The following INPP4B variants were observed in gnomAD, a reference collection of about 807,000 sequenced individuals.
INPP4B encodes the protein inositol polyphosphate-4-phosphatase type II B.
In INPP4B, 55 loss-of-function variants were observed where a neutral mutation model predicts 122.5. The observed-to-expected ratio is 0.45, with a 90% confidence interval of 0.36 to 0.56. The LOEUF is 0.56. Among genes scored for constraint, INPP4B ranks in the 20% least tolerant of loss-of-function variants. INPP4B has a pLI of 0.00. For missense variants in INPP4B, 1,000 were observed against 1,097.7 expected, an observed-to-expected ratio of 0.91 and a Z score of 1.26; for synonymous variants, 403 against 388.7, an observed-to-expected ratio of 1.04 and a Z score of -0.43.
At chr4:142,250,720 C>CTA (rs1339911996) in intron 11 of INPP4B, among the ~76,000 whole-genome samples, 3 of 152,022 alleles carry the variant, frequency 2.0e-5, no homozygotes, top group Admixed American at 2.0e-4. Context: ...TTAGTCTCAT[C>CTA]TTCCCCTGAT....
chr4:142,077,681 C>A (rs1198122170), intron 25 of INPP4B, among the ~76,000 whole-genome samples: 2 of 151,414 alleles, frequency 1.3e-5, no homozygotes. Context: ...ATAAAGTATT[C>A]TCCCTTTCTT....
chr4:142,528,174 T>C (rs1827174949), intron 2 of INPP4B, among the ~76,000 whole-genome samples: 1 of 152,098 alleles, frequency 6.6e-6, no homozygotes, highest in Non-Finnish European at 1.5e-5. Context: ...TAGAGAACTG[T>C]ATTAGTTATC....
intron 18 of INPP4B, among the ~76,000 whole-genome samples, chr4:142,142,181 T>C (rs1182212979): frequency 6.6e-6 from 1 of 152,094 alleles, no homozygotes; most frequent in East Asian, 1.9e-4. Context: ...AGGAGCAAAA[T>C]GGCTTGGGCT....
intron 9 of INPP4B, among the ~76,000 whole-genome samples, chr4:142,303,623 AT>A: frequency 6.6e-6 from 1 of 152,252 alleles, no homozygotes; most frequent in East Asian, 1.9e-4. Context: ...TGTCTGGTTC[AT>A]AGGGAGAGAA....
chr4:142,712,728 T>C (rs1763266791), intron 2 of INPP4B, among the ~76,000 whole-genome samples: 1 of 152,186 alleles, frequency 6.6e-6, no homozygotes, highest in Non-Finnish European at 1.5e-5. Context: ...CTAAGATTTT[T>C]CCCCTAATAA....
intron 2 of INPP4B, among the ~76,000 whole-genome samples, chr4:142,580,405 T>G (rs180888305): frequency 6.6e-6 from 1 of 152,156 alleles, no homozygotes; most frequent in Admixed American, 6.6e-5. Context: ...TTTCTCTCTT[T>G]ATGTTACTTC....
intron 25 of INPP4B, 190 bp from the exon 26 acceptor site, chr4:142,029,104 C>T (rs1356098519): frequency 7.6e-7 from 1 of 1,322,960 alleles, no homozygotes; most frequent in Non-Finnish European, 9.6e-7. Flanking sequence ...ACCATTATTG[C>T]CCTCTGAAAG....
chr4:142,719,997 C>A (rs1764301047), intron 2 of INPP4B, among the ~76,000 whole-genome samples: 1 of 152,140 alleles, frequency 6.6e-6, no homozygotes, highest in African/African-American at 2.4e-5. Flanking sequence ...AAATACCCAT[C>A]CAATGATGGC....
chr4:142,504,853 G>T (rs566706345), intron 2 of INPP4B, among the ~76,000 whole-genome samples: 1 of 152,170 alleles, frequency 6.6e-6, no homozygotes, highest in African/African-American at 2.4e-5. Flanking sequence ...ATGGAAGAAT[G>T]AACATTAGGA....
chr4:142,680,454 T>C (rs1758461873), intron 2 of INPP4B, among the ~76,000 whole-genome samples: 1 of 151,842 alleles, frequency 6.6e-6, no homozygotes, highest in African/African-American at 2.4e-5. Flanking sequence ...AAAATATACA[T>C]TGCTAAACAA....
At chr4:142,588,575 T>A (rs1736732747) in intron 2 of INPP4B, among the ~76,000 whole-genome samples, 1 of 149,572 alleles carries the variant, frequency 6.7e-6, no homozygotes. Flanking sequence ...ATAAATTTTA[T>A]AATTTTTAAG....
intron 23 of INPP4B, among the ~76,000 whole-genome samples, chr4:142,089,573 T>C (rs182963751): frequency 8.5e-5 from 13 of 152,110 alleles, no homozygotes; most frequent in Admixed American, 2.0e-4. Context: ...ATATGTATCA[T>C]ACATCATCAA....
At chr4:142,310,215 G>A (rs9997263) in intron 8 of INPP4B, among the ~76,000 whole-genome samples, 4,660 of 151,970 alleles carry the variant, frequency 0.031, 236 homozygotes, top group African/African-American at 0.1. Context: ...GGTAGCCACT[G>A]GCTTTAGCAT....
chr4:142,676,437 T>G (rs1757790932), intron 2 of INPP4B, among the ~76,000 whole-genome samples: 1 of 152,094 alleles, frequency 6.6e-6, no homozygotes, highest in Admixed American at 6.6e-5. Context: ...ATAGAGCGAA[T>G]ACTATCCCCA....
intron 7 of INPP4B, among the ~76,000 whole-genome samples, chr4:142,372,927 C>G (rs1016737588): frequency 6.6e-6 from 1 of 152,002 alleles, no homozygotes; most frequent in Non-Finnish European, 1.5e-5. Flanking sequence ...CAATCTAGGC[C>G]TTGAACCAAT....
At chr4:142,813,364 C>G (rs1444807046) in intron 1 of INPP4B, among the ~76,000 whole-genome samples, 1 of 152,164 alleles carries the variant, frequency 6.6e-6, no homozygotes, top group Non-Finnish European at 1.5e-5. Flanking sequence ...AAACAAACCT[C>G]TCCAGACAAA....
intron 11 of INPP4B, among the ~76,000 whole-genome samples, chr4:142,249,937 TAA>T (rs1731109204): frequency 1.3e-5 from 2 of 152,332 alleles, no homozygotes; most frequent in South Asian, 4.1e-4. Context: ...GAAAATAGTT[TAA>T]AGTTTTCTTA....
chr4:142,213,374 A>G (rs1335510860), intron 12 of INPP4B, among the ~76,000 whole-genome samples: 1 of 152,180 alleles, frequency 6.6e-6, no homozygotes, highest in Non-Finnish European at 1.5e-5. Context: ...CAATAGCTAT[A>G]TTAGCTTTGG....
intron 7 of INPP4B, among the ~76,000 whole-genome samples, chr4:142,399,701 C>A (rs1271032510): frequency 6.6e-6 from 1 of 152,158 alleles, no homozygotes; most frequent in Non-Finnish European, 1.5e-5. Flanking sequence ...ATAGCCTAGC[C>A]ATGGGCTTCA....
Sources: gnomAD v4.1 joint callset for allele counts (sites outside exome capture counted in the v4.1 genomes callset) on GRCh38, gnomAD v4.1.1 for gene constraint, MANE v1.5 for transcripts, NCBI Gene and HGNC (gene_info 2026-07-23, HGNC 2026-07-21) for gene names.